The following TENM3 variants were observed in gnomAD, a reference collection of about 807,000 sequenced individuals.
TENM3 encodes the protein teneurin-3.
Under a neutral mutation model 255.1 loss-of-function variants are expected in TENM3, and 63 were observed. The ratio of observed to expected loss-of-function variants is 0.25; its 90% CI spans 0.20 to 0.30. The LOEUF (loss-of-function observed/expected upper bound fraction) is 0.30. TENM3 is among the 10% of genes least tolerant of loss of function. The pLI, the probability that TENM3 is intolerant of heterozygous loss-of-function variation, is 1.00. For synonymous variants in TENM3, 1,306 were observed against 1,322.3 expected, an observed-to-expected ratio of 0.99 and a Z score of 0.27; for missense variants, 2,929 against 3,461.1, an observed-to-expected ratio of 0.85 and a Z score of 3.86.
At chr4:182,323,352 T>C (rs1763175114) in intron 1 of TENM3, among the ~76,000 whole-genome samples, 3 of 151,666 alleles carry the variant, frequency 2.0e-5, no homozygotes, top group Admixed American at 6.6e-5. Flanking sequence ...TTTCCACAGT[T>C]CAAGACATTT....
chr4:181,569,713 C>T, the TENM3 span, among the ~76,000 whole-genome samples: 1 of 152,096 alleles, frequency 6.6e-6, no homozygotes, highest in African/African-American at 2.4e-5. Flanking sequence ...TTTCTGGTCT[C>T]AGGATAGTTT....
intron 22 of TENM3, among the ~76,000 whole-genome samples, chr4:182,771,440 C>T (rs535292571): frequency 5.4e-5 from 8 of 149,232 alleles, no homozygotes; most frequent in Non-Finnish European, 1.0e-4. Flanking sequence ...CAAGAGATAG[C>T]GTGAGAGCCA....
At chr4:181,962,870 A>T in the TENM3 span, among the ~76,000 whole-genome samples, 1 of 152,228 alleles carries the variant, frequency 6.6e-6, no homozygotes, top group Non-Finnish European at 1.5e-5. Context: ...AAAATTAAAT[A>T]AATGGTACGT....
chr4:182,339,544 T>C (rs1333619342), intron 2 of TENM3, among the ~76,000 whole-genome samples: 1 of 152,158 alleles, frequency 6.6e-6, no homozygotes, highest in African/African-American at 2.4e-5. Flanking sequence ...TGTGAGTAGA[T>C]AGATGTAGCT....
chr4:181,878,222 G>A, the TENM3 span, among the ~76,000 whole-genome samples: 1 of 152,138 alleles, frequency 6.6e-6, no homozygotes, highest in Admixed American at 6.5e-5. Flanking sequence ...ATACAAGGCT[G>A]TGTATCATTA....
At chr4:181,879,242 G>A in the TENM3 span, among the ~76,000 whole-genome samples, 1 of 152,044 alleles carries the variant, frequency 6.6e-6, no homozygotes. Flanking sequence ...ATGAACTGCT[G>A]TTTTTGAGAA....
chr4:181,587,148 C>A, the TENM3 span, among the ~76,000 whole-genome samples: 3 of 152,292 alleles, frequency 2.0e-5, no homozygotes, highest in East Asian at 3.9e-4. Flanking sequence ...ACATTAAATT[C>A]TCTTTTTATT....
chr4:181,934,048 CTG>C, the TENM3 span, among the ~76,000 whole-genome samples: 9,616 of 147,034 alleles, frequency 0.065, 357 homozygotes, highest in Middle Eastern at 0.11. Flanking sequence ...ATTCCCCTTT[CTG>C]TGTGTGTGTG....
the TENM3 span, among the ~76,000 whole-genome samples, chr4:181,970,741 G>A: frequency 5.3e-4 from 80 of 152,168 alleles, 1 homozygote; most frequent in Non-Finnish European, 8.4e-4. Flanking sequence ...TGCTGCTGGC[G>A]GCTCAAACAA....
At chr4:182,678,157 T>TA (rs1225271049) in intron 7 of TENM3, among the ~76,000 whole-genome samples, 1 of 152,184 alleles carries the variant, frequency 6.6e-6, no homozygotes, top group African/African-American at 2.4e-5. Flanking sequence ...AATTGTAATC[T>TA]AAAAAACTCC....
chr4:181,815,442 G>A, the TENM3 span, among the ~76,000 whole-genome samples: 8 of 128,858 alleles, frequency 6.2e-5, no homozygotes, highest in Non-Finnish European at 1.1e-4. Context: ...CAGCCTGGGC[G>A]ACAGAGTGAG....
chr4:182,147,365 A>G (rs1018087998), intron 1 of TENM3, among the ~76,000 whole-genome samples: 5 of 152,220 alleles, frequency 3.3e-5, no homozygotes, highest in African/African-American at 4.8e-5. Flanking sequence ...AGTTCAGAGC[A>G]TGGTCATTGT....
chr4:181,520,612 A>C, the TENM3 span, among the ~76,000 whole-genome samples: 95 of 152,332 alleles, frequency 6.2e-4, no homozygotes, highest in African/African-American at 2.1e-3. Context: ...AGCTTTGCCC[A>C]AGAAAGGAGC....
chr4:181,894,713 C>T, the TENM3 span, among the ~76,000 whole-genome samples: 7 of 148,614 alleles, frequency 4.7e-5, no homozygotes, highest in South Asian at 2.1e-4. Flanking sequence ...GCCAAGTCAA[C>T]GGTCTCCAAG....
intron 3 of TENM3, among the ~76,000 whole-genome samples, chr4:182,414,045 T>C (rs1770196803): frequency 6.6e-6 from 1 of 152,244 alleles, no homozygotes; most frequent in Admixed American, 6.5e-5. Context: ...ACACCATAGT[T>C]GAAGATCTTG....
the TENM3 span, among the ~76,000 whole-genome samples, chr4:182,121,305 C>T: frequency 2.0e-5 from 3 of 152,076 alleles, no homozygotes; most frequent in Non-Finnish European, 4.4e-5. Flanking sequence ...GCCTCTGACT[C>T]GCATTTTAAA....
At chr4:182,641,523 T>A (rs1484380569) in intron 5 of TENM3, among the ~76,000 whole-genome samples, 1 of 150,770 alleles carries the variant, frequency 6.6e-6, no homozygotes, top group African/African-American at 2.5e-5. Context: ...TATGCAGTTT[T>A]TTTTTGTTGT....
At chr4:181,934,151 TTAA>T in the TENM3 span, among the ~76,000 whole-genome samples, 1 of 151,726 alleles carries the variant, frequency 6.6e-6, no homozygotes, top group Admixed American at 6.6e-5. Context: ...AGTGAAGAGT[TTAA>T]TGGACCTGAT....
intron 22 of TENM3, among the ~76,000 whole-genome samples, chr4:182,765,501 C>T (rs1308662097): frequency 6.6e-6 from 1 of 152,184 alleles, no homozygotes; most frequent in African/African-American, 2.4e-5. Context: ...TGTGGCCATT[C>T]CTCTGCCTCC....
Sources: gnomAD v4.1 joint callset for allele counts (sites outside exome capture counted in the v4.1 genomes callset) on GRCh38, gnomAD v4.1.1 for gene constraint, MANE v1.5 for transcripts, NCBI Gene and HGNC (gene_info 2026-07-23, HGNC 2026-07-21) for gene names.